The following PSTPIP1 variants were observed in gnomAD, a reference collection of about 807,000 sequenced individuals.
PSTPIP1 encodes proline-serine-threonine phosphatase interacting protein 1.
In PSTPIP1, 66 loss-of-function variants were observed where a neutral mutation model predicts 69.6. The ratio of observed to expected loss-of-function variants is 0.95; its 90% CI spans 0.78 to 1.16. The LOEUF is 1.16. Ranked by LOEUF, PSTPIP1 falls within the 50% of genes most tolerant of loss-of-function variation. The probability of loss-of-function intolerance (pLI) is 0.00; values close to 1 mark genes in which losing one functional copy is unlikely to be tolerated. For synonymous variants in PSTPIP1, 266 were observed against 222.7 expected (o/e 1.19, Z -1.73); for missense variants, 603 against 557.4 (o/e 1.08, Z -0.82).
chr15:77,023,985 C>T (rs1430658338), intron 3 of PSTPIP1: 1 of 152,442 alleles, frequency 6.6e-6, no homozygotes, highest in Non-Finnish European at 1.5e-5. Flanking sequence ...CTCCTTCTTC[C>T]TCTCCCTGGT....
chr15:77,016,487 T>TG (rs2076055322), intron 1 of PSTPIP1, among the ~76,000 whole-genome samples: 1 of 151,942 alleles, frequency 6.6e-6, no homozygotes, highest in African/African-American at 2.4e-5. Flanking sequence ...AACCTGGACA[T>TG]GGGGGTGGGC....
intron 3 of PSTPIP1, among the ~76,000 whole-genome samples, chr15:77,019,620 C>T (rs998738354): frequency 1.3e-5 from 2 of 152,196 alleles, no homozygotes; most frequent in Admixed American, 1.3e-4. Flanking sequence ...CCCGGCTCGG[C>T]CAATCTGAGC....
chr15:77,017,174 G>A (rs890539074), intron 1 of PSTPIP1, among the ~76,000 whole-genome samples: 1 of 152,096 alleles, frequency 6.6e-6, no homozygotes, highest in African/African-American at 2.4e-5. Flanking sequence ...GTTGTGGCGG[G>A]GATCCTGGCC....
At chr15:77,021,115 G>A (rs1432637159) in intron 3 of PSTPIP1, among the ~76,000 whole-genome samples, 12 of 152,198 alleles carry the variant, frequency 7.9e-5, no homozygotes, top group Non-Finnish European at 1.5e-5. Flanking sequence ...GTGGTTAAGT[G>A]ACCCTATAAA....
chr15:77,018,670 T>G, intron 3 of PSTPIP1, 139 bp downstream of exon 3: 1 of 910,232 alleles, frequency 1.1e-6, no homozygotes, highest in Admixed American at 2.9e-5. Context: ...TGGTGCCTGG[T>G]TATTGGGCAT....
At chr15:77,036,071 G>A (rs2076564566) in intron 14 of PSTPIP1, 136 bp downstream of exon 14, 2 of 1,233,848 alleles carry the variant, frequency 1.6e-6, no homozygotes, top group South Asian at 1.6e-5. Context: ...TCCTCAGGAG[G>A]GCACGTGTGC....
chr15:76,996,217 G>T (rs1449547229), intron 1 of PSTPIP1, among the ~76,000 whole-genome samples: 2 of 152,184 alleles, frequency 1.3e-5, no homozygotes, highest in African/African-American at 4.8e-5. Context: ...GTGGGCAATG[G>T]CTTGCTTACT....
intron 1 of PSTPIP1, chr15:76,999,545 C>G (rs2075653150): frequency 6.6e-6 from 1 of 152,278 alleles, no homozygotes; most frequent in African/African-American, 2.4e-5. Flanking sequence ...TTCCAAAGTG[C>G]TGGGATTACA....
chr15:77,008,923 A>G (rs904366661), intron 1 of PSTPIP1, among the ~76,000 whole-genome samples: 11 of 152,286 alleles, frequency 7.2e-5, no homozygotes, highest in African/African-American at 2.6e-4. Context: ...AGACTCCAAC[A>G]TAGAAGCCTT....
In PSTPIP1 at chr15:77,018,539, C is replaced by T; in HGVS notation, c.212+8C>T. On this transcript the variant is annotated splice_region_variant and intron_variant, in intron 3 of 14. Transcript: ENST00000558012. ...TGGCCAGACGGAGATCAAGTAAGAT[C>T]TCCCGGGCCCTGGGGCTCACTCCTC... 2.6e-6 allele frequency: 4 copies of T among 1,551,374 alleles called. No homozygotes were observed. Among genetic ancestry groups the T allele is most frequent in the Non-Finnish European group, 2.6e-6 (3 of 1,147,062 alleles).
intron 1 of PSTPIP1, among the ~76,000 whole-genome samples, chr15:77,000,293 C>T (rs1363690247): frequency 1.3e-5 from 2 of 152,104 alleles, no homozygotes; most frequent in Admixed American, 1.3e-4. Context: ...TTCTGAGATG[C>T]TGAGGTGCCC....
chr15:77,018,358 C>T (rs934958588), intron 2 of PSTPIP1, 99 bp from the exon 3 acceptor site: 28 of 1,533,700 alleles, frequency 1.8e-5, no homozygotes, highest in East Asian at 2.5e-5. Context: ...TGTCAGAACA[C>T]GCCCTGCTTT....
intron 11 of PSTPIP1, 46 bp downstream of exon 11, chr15:77,032,440 C>A (rs201636286): frequency 6.3e-7 from 1 of 1,592,378 alleles, no homozygotes; most frequent in Admixed American, 1.7e-5. Context: ...TGCATTGAGC[C>A]CCTGGGAAGG....
chr15:77,006,400 C>T (rs1344531470), intron 1 of PSTPIP1, among the ~76,000 whole-genome samples: 1 of 152,032 alleles, frequency 6.6e-6, no homozygotes, highest in Non-Finnish European at 1.5e-5. Flanking sequence ...ATATTTTCTC[C>T]CACTCTGGAG....
chr15:77,004,643 C>T (rs2075778758), intron 1 of PSTPIP1, among the ~76,000 whole-genome samples: 1 of 150,882 alleles, frequency 6.6e-6, no homozygotes, highest in African/African-American at 2.4e-5. Context: ...CACTTGAACC[C>T]AGGAGTTCAA....
At chr15:77,021,430 G>A (rs771795157) in intron 3 of PSTPIP1, among the ~76,000 whole-genome samples, 8 of 152,246 alleles carry the variant, frequency 5.3e-5, no homozygotes, top group East Asian at 1.9e-4. Context: ...CGTGCCTCAC[G>A]CCTATAATCC....
chr15:77,015,603 G>T (rs1444095820), intron 1 of PSTPIP1, among the ~76,000 whole-genome samples: 2 of 152,194 alleles, frequency 1.3e-5, no homozygotes, highest in Non-Finnish European at 2.9e-5. Flanking sequence ...GTCTTGGGTG[G>T]CAGACCCACA....
chr15:77,013,762 ACATAG>A (rs1380723318), intron 1 of PSTPIP1, among the ~76,000 whole-genome samples: 6 of 152,156 alleles, frequency 3.9e-5, no homozygotes, highest in Non-Finnish European at 8.8e-5. Context: ...CAGTTCTTGG[ACATAG>A]CAGGTAGGAA....
Position 76,995,282 on chromosome 15 carries a change from G to C in PSTPIP1, c.-292G>C. The C allele has an allele frequency of 2.2e-6, 3 of 1,336,146 alleles. No individual in the cohort carries two copies. The highest frequency in any genetic ancestry group is 2.9e-6 in the Non-Finnish European group (3 of 1,037,112). The allele number at this position is 1,336,146 out of a possible 1,614,324, so 82.8% of individuals were successfully genotyped here. On this transcript the variant is annotated 5_prime_UTR_variant, in exon 1 of 15. Transcript: ENST00000558012. ...CAGACTGTGTCCTCCATCACCGCAG[G>C]GTCGGTGAGGGGCTGGGCTGGACAC...
Sources: gnomAD v4.1 joint callset for allele counts (sites outside exome capture counted in the v4.1 genomes callset) on GRCh38, gnomAD v4.1.1 for gene constraint, MANE v1.5 for transcripts, NCBI Gene and HGNC (gene_info 2026-07-23, HGNC 2026-07-21) for gene names.